The following CD5L variants were observed in gnomAD, a reference collection of about 807,000 sequenced individuals.
CD5L encodes CD5 antigen-like.
In CD5L, 39 loss-of-function variants were observed where a neutral mutation model predicts 40.8. The ratio of observed to expected loss-of-function variants is 0.96; its 90% CI spans 0.74 to 1.25. The LOEUF is 1.25. Ranked by LOEUF, CD5L falls within the 50% of genes most tolerant of loss-of-function variation. The probability of loss-of-function intolerance (pLI) is 0.00; values close to 1 mark genes in which losing one functional copy is unlikely to be tolerated. For synonymous variants in CD5L, 192 were observed against 169.6 expected (o/e 1.13, Z -1.03); for missense variants, 433 against 435.9 (o/e 0.99, Z 0.06).
At chr1:157,841,132 T>A (rs955688288) in intron 1 of CD5L, among the ~76,000 whole-genome samples, 12 of 152,238 alleles carry the variant, frequency 7.9e-5, no homozygotes, top group African/African-American at 2.9e-4. Context: ...ACCTACGAAT[T>A]CACACCGCTA....
Position 157,831,963 on chromosome 1 carries a change from A to G in CD5L, c.*1T>C, listed in dbSNP as rs761684367. On this transcript the variant is annotated 3_prime_UTR_variant, in exon 6 of 6. Coordinates refer to ENST00000368174, the MANE Select transcript of CD5L (RefSeq NM_005894.3). ...GGGCCAGGTCAAGCAACACCAGGAT[A>G]CTATCCTATAAAGAGAAGAGGAAAA... The G allele has an allele frequency of 1.3e-5, 20 of 1,590,760 alleles. No homozygotes were observed. Among genetic ancestry groups the G allele is most frequent in the Admixed American group, 1.8e-5 (1 of 56,260 alleles).
chr1:157,834,596 G>A lies in CD5L; in HGVS notation c.529C>T (p.Arg177Trp), dbSNP rs1407147417. 19 of 1,614,000 alleles carry A rather than the reference G, an allele frequency of 1.2e-5. No individual in the cohort carries two copies. Among genetic ancestry groups the A allele is most frequent in the Non-Finnish European group, 1.6e-5 (19 of 1,180,042 alleles). Residue 177 changes from arginine (R) to tryptophan (W), a missense_variant, in exon 4 of 6, where the codon CGG becomes TGG. Arg to Trp is a moderately radical substitution (Grantham distance 101). Transcript: ENST00000368174. Reference protein sequence around the residue: ...WSLRAAKVVCRQLGCGRAVLT... With the variant: ...WSLRAAKVVCWQLGCGRAVLT... ...ACAGCCCTCCCACATCCCAGCTGCC[G>A]GCACACCACCTTTGCGGCCCGGAGG...
intron 4 of CD5L, 58 bp downstream of exon 4, chr1:157,834,349 G>T: frequency 7.2e-7 from 1 of 1,391,958 alleles, no homozygotes; most frequent in South Asian, 1.4e-5. Context: ...CTGTTTGAAT[G>T]AGATTCCACA....
In CD5L at chr1:157,831,413, T is replaced by C. The variant is rs1656043391; in HGVS notation, c.*551A>G. 2.0e-6 allele frequency: 2 copies of C among 985,008 alleles called. No homozygotes were observed. Among genetic ancestry groups the C allele is most frequent in the African/African-American group, 1.8e-5 (1 of 57,100 alleles). 61.0% of individuals were successfully genotyped at this position (985,008 alleles called of 1,614,324 possible). On this transcript the variant is annotated 3_prime_UTR_variant, in exon 6 of 6. Transcript: ENST00000368174. The stretch of plus-strand genomic sequence containing the variant: ...AAGAAATAACAGAATAGGGAGGTGT[T>C]GCTATTGTGGTCACCTGAAGCTTGA...
chr1:157,836,081 G>A lies in CD5L; in HGVS notation c.130C>T (p.Gln44Ter), dbSNP rs1656205823. ...CCGTCATCACACACGGTGCCCCACT[G>A]GCCTTTCTGTTCCACCTCCACCCGC... is the stretch of plus-strand genomic sequence containing the variant. ...EGRVEVEQKG[Q>*]WGTVCDDGWD... Residue 44 changes from glutamine (Q) to a stop codon, truncating the protein, a stop_gained, in exon 3 of 6, where the codon CAG (glutamine) becomes TAG (stop). Transcript: ENST00000368174. LOFTEE classifies it high-confidence loss of function. 1.2e-6 allele frequency: 2 copies of A among 1,613,930 alleles called. No individual in the cohort carries two copies. The highest frequency in any genetic ancestry group is 1.7e-5 in the Admixed American group (1 of 60,000).
At position 157,839,391 on chromosome 1, in the gene CD5L, T is replaced by C. The variant is rs1656303202; in HGVS notation, c.48A>G (p.Gly16=). The change falls in exon 2 of 6, where the codon GGA becomes GGG. Residue 16 remains glycine, a synonymous_variant. Coordinates refer to ENST00000368174, the MANE Select transcript of CD5L (RefSeq NM_005894.3). ...AACCCCCAAAAATCTTACCTAGGAA[T>C]CCAGGTCTGGTGCAAATGGCTGGGG... ...SLILAICTRP[G]FLASPSGVRL... 6.2e-7 allele frequency: 1 copy of C among 1,613,472 alleles called. No individual in the cohort carries two copies. Among genetic ancestry groups the C allele is most frequent in the Non-Finnish European group, 8.5e-7 (1 of 1,179,816 alleles).
At chr1:157,832,324 G>A (rs1356245787) in intron 5 of CD5L, among the ~76,000 whole-genome samples, 3 of 152,210 alleles carry the variant, frequency 2.0e-5, no homozygotes, top group African/African-American at 7.2e-5. Flanking sequence ...CTTCAAAGTA[G>A]CAGCAGCCTG....
Position 157,836,063 on chromosome 1 carries a change from C to T in CD5L, c.148G>A (p.Asp50Asn). ...ACGTCCTTAATGTCCCAGCCGTCAT[C>T]ACACACGGTGCCCCACTGGCCTTTC... ...EQKGQWGTVC[D>N]DGWDIKDVAV... The change falls in exon 3 of 6, where the codon GAT becomes AAT. Residue 50 changes from aspartate (D) to asparagine (N), a missense_variant. By Grantham distance (23) the Asp-to-Asn change is conservative (BLOSUM62 1). Coordinates refer to ENST00000368174, the MANE Select transcript of CD5L (RefSeq NM_005894.3). 1 of 1,614,186 alleles carries T rather than the reference C, an allele frequency of 6.2e-7. No individual in the cohort carries two copies. Among genetic ancestry groups the T allele is most frequent in the Non-Finnish European group, 8.5e-7 (1 of 1,180,048 alleles).
intron 2 of CD5L, among the ~76,000 whole-genome samples, chr1:157,836,869 C>T (rs1385406969): frequency 6.6e-6 from 1 of 152,126 alleles, no homozygotes; most frequent in Admixed American, 6.5e-5. Context: ...ATTCCAGGGA[C>T]TAGAAGCATA....
intron 2 of CD5L, among the ~76,000 whole-genome samples, chr1:157,838,595 C>A (rs560452410): frequency 3.3e-5 from 5 of 151,352 alleles, no homozygotes; most frequent in Non-Finnish European, 5.9e-5. Flanking sequence ...ACAAGAAATT[C>A]AGGGAAAGAA....
At chr1:157,828,644 C>T (rs531600805), downstream of CD5L, among the ~76,000 whole-genome samples, 2 of 152,302 alleles carry the variant, frequency 1.3e-5, no homozygotes, top group East Asian at 1.9e-4. Context: ...CAGTTGCCCC[C>T]AGCAGTAACC....
intron 4 of CD5L, among the ~76,000 whole-genome samples, chr1:157,833,890 C>T (rs950440797): frequency 2.0e-4 from 31 of 151,382 alleles, no homozygotes; most frequent in African/African-American, 7.0e-4. Flanking sequence ...GTATTATAGG[C>T]ATGAGCCACT....
At chr1:157,837,649 T>C (rs1222742662) in intron 2 of CD5L, among the ~76,000 whole-genome samples, 1 of 152,108 alleles carries the variant, frequency 6.6e-6, no homozygotes, top group African/African-American at 2.4e-5. Flanking sequence ...CATGCATGGA[T>C]AGAACGTGAC....
rs752495939 is a variant in CD5L, at chr1:157,834,527, GTT to G, written c.596_597del (p.Lys199ThrfsTer32). On this transcript the variant is annotated frameshift_variant, in exon 4 of 6. Coordinates refer to ENST00000368174, the MANE Select transcript of CD5L (RefSeq NM_005894.3). LOFTEE classifies it high-confidence loss of function. ...CATGACATCTGGCTCAGCCAGATGG[GTT>G]TTCGGCCATAGGCATGCTTGTTGCA... The part of the protein sequence containing the change: ...KRCNKHAYGR[K>X]PIWLSQMSCS... 6.2e-7 allele frequency: 1 copy of G among 1,614,194 alleles called. No homozygotes were observed. Among genetic ancestry groups the G allele is most frequent in the South Asian group, 1.1e-5 (1 of 91,086 alleles).
chr1:157,838,373 T>C (rs777515673), intron 2 of CD5L, among the ~76,000 whole-genome samples: 18 of 152,054 alleles, frequency 1.2e-4, no homozygotes, highest in Non-Finnish European at 2.4e-4. Context: ...CGTAAATAAT[T>C]TGGGGGTCAT....
rs928188282 is a variant in CD5L, at chr1:157,837,910, G to A, written c.55+1474C>T. The stretch of plus-strand genomic sequence containing the variant: ...CCTGCCTCAGCCTCCCAAGTAGCTG[G>A]GATTACAGGCGCCAGCCACCACACC... On this transcript the variant is annotated intron_variant, in intron 2 of 5. Coordinates refer to ENST00000368174, the MANE Select transcript of CD5L (RefSeq NM_005894.3). 2.6e-5 allele frequency among the ~76,000 whole-genome samples: 4 copies of A among 151,724 alleles called. No homozygotes were observed. The East Asian group carries it at 7.8e-4, about 29-fold the overall frequency.
chr1:157,839,356 CCCTCTCAGAAACCCCCAAAAATCTTA>C lies in CD5L; in HGVS notation c.55+2_55+27del. ...TTTCCCTCTCCTAAGCTTGAGGCCTCCCTCTCAGAAACCCCCAAAAATCTTACCTAGGAATCCAGGTCTGGTGCAAA... is the reference window on the plus strand; with the variant it reads ...TTTCCCTCTCCTAAGCTTGAGGCCTCCCTAGGAATCCAGGTCTGGTGCAAA... On this transcript the variant is annotated splice_donor_variant and splice_donor_5th_base_variant and intron_variant, in intron 2 of 5. Coordinates refer to ENST00000368174, the MANE Select transcript of CD5L (RefSeq NM_005894.3). LOFTEE classifies it high-confidence loss of function. 1 of 1,612,690 alleles carries C rather than the reference CCCTCTCAGAAACCCCCAAAAATCTTA, an allele frequency of 6.2e-7. No homozygotes were observed. Among genetic ancestry groups the C allele is most frequent in the East Asian group, 2.2e-5 (1 of 44,872 alleles).
chr1:157,840,712 G>A (rs978978843), intron 1 of CD5L, among the ~76,000 whole-genome samples: 4 of 152,216 alleles, frequency 2.6e-5, no homozygotes, highest in Admixed American at 2.6e-4. Flanking sequence ...TAGCCAGTAA[G>A]TGACTTGGAA....
intron 5 of CD5L, 66 bp downstream of exon 5, chr1:157,833,126 C>A (rs1656092723): frequency 7.9e-7 from 1 of 1,261,844 alleles, no homozygotes; most frequent in Non-Finnish European, 1.1e-6. Context: ...GAGTACACCC[C>A]CATCATTTCC....
Sources: allele counts gnomAD v4.1 joint callset (sites outside exome capture counted in the v4.1 genomes callset), GRCh38; gene constraint gnomAD v4.1.1; transcripts MANE v1.5; gene names NCBI Gene and HGNC (gene_info 2026-07-23, HGNC 2026-07-21).